The following PDZRN4 variants were observed in gnomAD, a reference collection of about 807,000 sequenced individuals.
The protein encoded by PDZRN4 is PDZ domain-containing RING finger protein 4.
A neutral mutation model predicts 99.0 loss-of-function variants in PDZRN4; 70 were observed. That is an observed-to-expected ratio of 0.71 (90% confidence interval 0.58 to 0.86). The LOEUF is 0.86. PDZRN4 is among the 40% of genes least tolerant of loss of function. The pLI is 0.00. For missense variants in PDZRN4, 1,474 were observed against 1,331.2 expected, an observed-to-expected ratio of 1.11 and a Z score of -1.67; for synonymous variants, 551 against 501.6, an observed-to-expected ratio of 1.10 and a Z score of -1.32.
intron 3 of PDZRN4, among the ~76,000 whole-genome samples, chr12:41,450,512 T>C (rs1008643276): frequency 6.6e-6 from 1 of 152,208 alleles, no homozygotes; most frequent in Non-Finnish European, 1.5e-5. Context: ...TACTGGGGAA[T>C]CTGAAGAAGG....
chr12:41,269,217 CA>C (rs1022164878), intron 3 of PDZRN4, among the ~76,000 whole-genome samples: 13 of 152,298 alleles, frequency 8.5e-5, no homozygotes, highest in Middle Eastern at 3.4e-3. Context: ...AAATGATTGA[CA>C]CTTTCTATAA....
chr12:41,366,308 T>C lies in PDZRN4; in HGVS notation c.844-140148T>C, dbSNP rs774092598. 7.9e-4 allele frequency among the ~76,000 whole-genome samples: 120 copies of C among 152,152 alleles called. 1 individual carries two copies. Among genetic ancestry groups the C allele is most frequent in the Non-Finnish European group, 7.5e-4 (51 of 68,008 alleles). Reference sequence around the variant, plus strand: ...TTGCAGGGAATGAAAAGTCATATAGTGTGCAGAGTGTTATTACTTGCCAGC... The same window carrying C: ...TTGCAGGGAATGAAAAGTCATATAGCGTGCAGAGTGTTATTACTTGCCAGC... On this transcript the variant is annotated intron_variant, in intron 3 of 9. Transcript: ENST00000402685.
In PDZRN4 at chr12:41,188,809, C is replaced by T. The variant is rs764248390; in HGVS notation, c.354C>T (p.Cys118=). 1.5e-6 allele frequency: 2 copies of T among 1,343,254 alleles called. No individual in the cohort carries two copies. The highest frequency in any genetic ancestry group is 1.5e-5 in the African/African-American group (1 of 64,668). The allele number at this position is 1,343,254 out of a possible 1,614,324, so 83.2% of individuals were successfully genotyped here. Reference sequence around the variant, plus strand: ...GCCGGCTCCGCAGCCGCGGGGGCTGCGCTTCGGGGCTGGGCGGTGGTGAGG... The same window carrying T: ...GCCGGCTCCGCAGCCGCGGGGGCTGTGCTTCGGGGCTGGGCGGTGGTGAGG... The part of the protein sequence containing the change: ...PARRLRSRGG[C]ASGLGGGEVP... The change falls in exon 1 of 10, where the codon TGC becomes TGT. Residue 118 remains cysteine, a synonymous_variant. Transcript: ENST00000402685.
At chr12:41,250,583 A>G (rs1003377046) in intron 3 of PDZRN4, among the ~76,000 whole-genome samples, 1 of 152,216 alleles carries the variant, frequency 6.6e-6, no homozygotes, top group Non-Finnish European at 1.5e-5. Context: ...TCTTTTTTAC[A>G]TTATTAACTG....
intron 3 of PDZRN4, among the ~76,000 whole-genome samples, chr12:41,289,167 C>G (rs546014858): frequency 4.6e-5 from 7 of 152,256 alleles, no homozygotes; most frequent in Non-Finnish European, 1.0e-4. Context: ...CTTCCCAACC[C>G]TCTGCTGTCT....
In PDZRN4 at chr12:41,424,187, A is replaced by C. The variant is rs148395858; in HGVS notation, c.844-82269A>C. On this transcript the variant is annotated intron_variant, in intron 3 of 9. Transcript: ENST00000402685. Reference sequence around the variant, plus strand: ...ACTACTTATGCAATATTTGTTTGCTATGCAGTTGCAATCTTAAGCCAGTTA... The same window carrying C: ...ACTACTTATGCAATATTTGTTTGCTCTGCAGTTGCAATCTTAAGCCAGTTA... Among the ~76,000 whole-genome samples, 731 of 152,322 alleles carry C rather than the reference A, an allele frequency of 4.8e-3. 1 individual carries two copies. Among genetic ancestry groups the C allele is most frequent in the Non-Finnish European group, 7.3e-3 (499 of 68,020 alleles).
intron 1 of PDZRN4, among the ~76,000 whole-genome samples, chr12:41,189,304 A>G (rs1950720075): frequency 6.6e-6 from 1 of 152,024 alleles, no homozygotes; most frequent in South Asian, 2.1e-4. Flanking sequence ...CCCTTTTCTG[A>G]TTATATTACG....
chr12:41,463,008 C>A (rs891446666), intron 3 of PDZRN4, among the ~76,000 whole-genome samples: 4 of 152,118 alleles, frequency 2.6e-5, no homozygotes, highest in African/African-American at 7.2e-5. Context: ...TAGGCACAGC[C>A]TTGTCACCCT....
At chr12:41,291,950 G>A (rs1951459230) in intron 3 of PDZRN4, among the ~76,000 whole-genome samples, 1 of 152,128 alleles carries the variant, frequency 6.6e-6, no homozygotes, top group Non-Finnish European at 1.5e-5. Context: ...AGGAAGGCAG[G>A]ACCAGGATAA....
chr12:41,488,815 C>T (rs548702984), intron 3 of PDZRN4, among the ~76,000 whole-genome samples: 13 of 152,274 alleles, frequency 8.5e-5, no homozygotes, highest in African/African-American at 2.4e-4. Flanking sequence ...TATCCTTCAA[C>T]TTCTGTGTTA....
At chr12:41,282,425 A>G (rs2120888696) in intron 3 of PDZRN4, among the ~76,000 whole-genome samples, 1 of 152,304 alleles carries the variant, frequency 6.6e-6, no homozygotes, top group Non-Finnish European at 1.5e-5. Context: ...TAATAGGGGG[A>G]GATTTTAACA....
At chr12:41,381,430 CT>C (rs1952125550) in intron 3 of PDZRN4, among the ~76,000 whole-genome samples, 2 of 150,594 alleles carry the variant, frequency 1.3e-5, no homozygotes, top group Non-Finnish European at 3.0e-5. Context: ...TTTTGTTATT[CT>C]TTCTTTTTGC....
At chr12:41,516,746 T>G (rs1436587825) in intron 5 of PDZRN4, among the ~76,000 whole-genome samples, 1 of 151,782 alleles carries the variant, frequency 6.6e-6, no homozygotes, top group Non-Finnish European at 1.5e-5. Context: ...ACAGTCTTGA[T>G]GTATGGCTCA....
chr12:41,377,515 A>G (rs1307598423), intron 3 of PDZRN4, among the ~76,000 whole-genome samples: 3 of 152,126 alleles, frequency 2.0e-5, no homozygotes, highest in Non-Finnish European at 2.9e-5. Flanking sequence ...ATACAAAAAA[A>G]TTAGCCGGGC....
intron 3 of PDZRN4, among the ~76,000 whole-genome samples, chr12:41,258,710 G>C (rs568066930): frequency 6.6e-6 from 1 of 152,204 alleles, no homozygotes; most frequent in South Asian, 2.1e-4. Context: ...ATGTAGTGAT[G>C]AACAAACACC....
chr12:41,299,877 C>A (rs950061817), intron 3 of PDZRN4, among the ~76,000 whole-genome samples: 8 of 151,852 alleles, frequency 5.3e-5, no homozygotes, highest in Non-Finnish European at 1.2e-4. Flanking sequence ...ATAGATAATA[C>A]TATTTTATGA....
chr12:41,415,276 T>A (rs2120390488), intron 3 of PDZRN4, among the ~76,000 whole-genome samples: 1 of 151,336 alleles, frequency 6.6e-6, no homozygotes, highest in African/African-American at 2.4e-5. Context: ...TGGGTGGAAT[T>A]GAAATATATT....
rs529920352 is a variant in PDZRN4, at chr12:41,301,238, C to T, written c.843+107050C>T. Among the ~76,000 whole-genome samples, 4 of 152,022 alleles carry T rather than the reference C, an allele frequency of 2.6e-5. No homozygotes were observed. The South Asian group carries it at 6.2e-4, about 24-fold the overall frequency. On this transcript the variant is annotated intron_variant, in intron 3 of 9. Transcript: ENST00000402685. ...AGGAAACACAGACAGACATCATGCC[C>T]ATTTGAATATATTCTTTTCTTCCAG...
intron 3 of PDZRN4, among the ~76,000 whole-genome samples, chr12:41,445,622 A>G (rs946197584): frequency 6.6e-6 from 1 of 152,032 alleles, no homozygotes; most frequent in African/African-American, 2.4e-5. Flanking sequence ...CACTCAAAAG[A>G]GGTCCCCAGC....
Sources: allele counts gnomAD v4.1 joint callset (sites outside exome capture counted in the v4.1 genomes callset), GRCh38; gene constraint gnomAD v4.1.1; transcripts MANE v1.5; gene names NCBI Gene and HGNC (gene_info 2026-07-23, HGNC 2026-07-21).